Variants in FBXW7 observed in about 807,000 individuals in gnomAD.
The protein encoded by FBXW7 is F-box and WD repeat domain containing 7.
A neutral mutation model predicts 86.3 loss-of-function variants in FBXW7; 11 were observed. That is an observed-to-expected ratio of 0.13 (90% CI 0.08 to 0.21). The LOEUF (loss-of-function observed/expected upper bound fraction) is 0.21. Among genes scored for constraint, FBXW7 ranks in the 10% least tolerant of loss-of-function variants. The pLI is 1.00. For missense variants in FBXW7, 488 were observed against 847.4 expected, an observed-to-expected ratio of 0.58 and a Z score of 5.27; for synonymous variants, 313 against 297.9, an observed-to-expected ratio of 1.05 and a Z score of -0.52.
intron 2 of FBXW7, among the ~76,000 whole-genome samples, chr4:152,461,345 T>C (rs936534466): frequency 6.6e-6 from 1 of 152,202 alleles, no homozygotes; most frequent in Non-Finnish European, 1.5e-5. Flanking sequence ...TTACAGTATC[T>C]GTTTCTCTGT....
chr4:152,350,845 G>A (rs1731744833), intron 4 of FBXW7, among the ~76,000 whole-genome samples: 1 of 151,860 alleles, frequency 6.6e-6, no homozygotes, highest in African/African-American at 2.4e-5. Context: ...GGTTTTAAAA[G>A]AATCAGTTAT....
intron 4 of FBXW7, chr4:152,382,370 C>A: frequency 6.8e-7 from 1 of 1,470,994 alleles, no homozygotes; most frequent in Non-Finnish European, 9.0e-7. Flanking sequence ...ATACTCTCTA[C>A]ATGTAATACA....
intron 2 of FBXW7, among the ~76,000 whole-genome samples, chr4:152,502,731 T>C (rs979163507): frequency 6.6e-6 from 1 of 152,094 alleles, no homozygotes; most frequent in African/African-American, 2.4e-5. Context: ...TGGAAGAAGG[T>C]ATGCTAGAAA....
intron 4 of FBXW7, among the ~76,000 whole-genome samples, chr4:152,391,392 G>A (rs540091901): frequency 5.9e-5 from 9 of 152,062 alleles, no homozygotes; most frequent in Non-Finnish European, 1.2e-4. Context: ...TAAGCTGAGA[G>A]CCTAAGTTTT....
intron 8 of FBXW7, among the ~76,000 whole-genome samples, chr4:152,331,259 T>G (rs1729537358): frequency 6.6e-6 from 1 of 151,714 alleles, no homozygotes; most frequent in Non-Finnish European, 1.5e-5. Context: ...AAAAGCAGAG[T>G]CTCAAACAGT....
chr4:152,444,285 T>C (rs1741173967), intron 2 of FBXW7, among the ~76,000 whole-genome samples: 2 of 151,688 alleles, frequency 1.3e-5, no homozygotes, highest in East Asian at 3.8e-4. Context: ...CTTCCCCATA[T>C]AACATTTTAT....
At chr4:152,462,648 C>G (rs189215007) in intron 2 of FBXW7, among the ~76,000 whole-genome samples, 59 of 152,340 alleles carry the variant, frequency 3.9e-4, no homozygotes, top group Admixed American at 6.5e-4. Flanking sequence ...GTTGGAGGCT[C>G]TCATCTGGCT....
chr4:152,479,488 T>C (rs565027746), intron 2 of FBXW7, among the ~76,000 whole-genome samples: 144 of 152,206 alleles, frequency 9.5e-4, no homozygotes, highest in African/African-American at 3.3e-3. Context: ...CACACACATA[T>C]CTTTTTCTTA....
At chr4:152,448,162 G>C (rs1741582189) in intron 2 of FBXW7, among the ~76,000 whole-genome samples, 1 of 152,204 alleles carries the variant, frequency 6.6e-6, no homozygotes, top group Non-Finnish European at 1.5e-5. Flanking sequence ...ATAAACTCCA[G>C]GCTGAAATCA....
chr4:152,362,671 A>G (rs1406978933), intron 4 of FBXW7, among the ~76,000 whole-genome samples: 1 of 151,914 alleles, frequency 6.6e-6, no homozygotes, highest in Non-Finnish European at 1.5e-5. Context: ...CTGAAAATAT[A>G]AAACAAATTA....
chr4:152,446,041 A>C (rs1456214705), intron 2 of FBXW7, among the ~76,000 whole-genome samples: 2 of 151,984 alleles, frequency 1.3e-5, no homozygotes, highest in South Asian at 4.1e-4. Flanking sequence ...CACAGCGCTT[A>C]TCTAATAGGC....
At chr4:152,477,109 A>G (rs1262166248) in intron 2 of FBXW7, among the ~76,000 whole-genome samples, 2 of 151,932 alleles carry the variant, frequency 1.3e-5, no homozygotes, top group Non-Finnish European at 2.9e-5. Flanking sequence ...TTGCTGCACT[A>G]ATAAACTGTC....
intron 4 of FBXW7, among the ~76,000 whole-genome samples, chr4:152,369,691 A>G (rs895684652): frequency 2.2e-4 from 33 of 152,058 alleles, no homozygotes; most frequent in African/African-American, 8.0e-4. Context: ...AAGACTGTAA[A>G]AATTATCATA....
In FBXW7 at chr4:152,323,010, A is replaced by G; in HGVS notation, c.1995T>C (p.Ser665=). ...GCCACACAACTCCCCCACTCCCCCC[A>G]CTCTCCAATGTGACTAGGTTTCGAA... ...EFIRNLVTLE[S]GGSGGVVWRI... is the part of the protein sequence containing the mutation. Residue 665 remains serine (S), a synonymous_variant, in exon 14 of 14, where the codon AGT becomes AGC. Transcript: ENST00000281708. 6.2e-7 allele frequency: 1 copy of G among 1,612,874 alleles called. No homozygotes were observed. Among genetic ancestry groups the G allele is most frequent in the Non-Finnish European group, 8.5e-7 (1 of 1,179,606 alleles).
intron 4 of FBXW7, among the ~76,000 whole-genome samples, chr4:152,353,969 A>G (rs901504685): frequency 2.0e-5 from 3 of 152,232 alleles, no homozygotes; most frequent in African/African-American, 7.2e-5. Context: ...ACAAAACAAA[A>G]CAACCATTTG....
At chr4:152,444,959 G>C (rs978269685) in intron 2 of FBXW7, among the ~76,000 whole-genome samples, 101 of 152,112 alleles carry the variant, frequency 6.6e-4, no homozygotes, top group African/African-American at 2.3e-3. Context: ...ACATGGCTGT[G>C]ACTACAGGCA....
intron 2 of FBXW7, among the ~76,000 whole-genome samples, chr4:152,463,574 A>G (rs1297081835): frequency 6.6e-6 from 1 of 152,216 alleles, no homozygotes; most frequent in Non-Finnish European, 1.5e-5. Flanking sequence ...TCTTAAGAAA[A>G]AAAAAGACAG....
chr4:152,504,003 G>A (rs1420998521), intron 2 of FBXW7, among the ~76,000 whole-genome samples: 1 of 152,110 alleles, frequency 6.6e-6, no homozygotes, highest in African/African-American at 2.4e-5. Context: ...ACTGGGTATA[G>A]TGGAATAACT....
chr4:152,395,524 G>T lies in FBXW7; in HGVS notation c.501+15779C>A, dbSNP rs566495620. Reference sequence around the variant, plus strand: ...GACCACTTCAAATCTCAAATTCCTTGTGGAAGTTGGATACTCATTTCTTTA... The same window carrying T: ...GACCACTTCAAATCTCAAATTCCTTTTGGAAGTTGGATACTCATTTCTTTA... On this transcript the variant is annotated intron_variant, in intron 4 of 13. Coordinates refer to ENST00000281708, the MANE Select transcript of FBXW7 (RefSeq NM_001349798.2). Among the ~76,000 whole-genome samples, 54 of 151,948 alleles carry T rather than the reference G, an allele frequency of 3.6e-4. No individual in the cohort carries two copies. In the East Asian group the frequency reaches 0.01, roughly 29 times the overall value.
Sources: gnomAD v4.1 joint callset for allele counts (sites outside exome capture counted in the v4.1 genomes callset) on GRCh38, gnomAD v4.1.1 for gene constraint, MANE v1.5 for transcripts, NCBI Gene and HGNC (gene_info 2026-07-23, HGNC 2026-07-21) for gene names.